Variants in PIAS2 observed in about 807,000 individuals in gnomAD.
PIAS2 encodes E3 SUMO-protein ligase PIAS2.
A neutral mutation model predicts 69.7 loss-of-function variants in PIAS2; 19 were observed. The ratio of observed to expected loss-of-function variants is 0.27; its 90% confidence interval spans 0.19 to 0.40. The LOEUF (loss-of-function observed/expected upper bound fraction) is 0.40. Among genes scored for constraint, PIAS2 ranks in the 10% least tolerant of loss-of-function variants. PIAS2 has a pLI of 1.00. For missense variants in PIAS2, 624 were observed against 757.0 expected (o/e 0.82, Z 2.06); for synonymous variants, 261 against 263.2 (o/e 0.99, Z 0.08).
At chr18:46,907,434 A>G (rs531259672) in intron 1 of PIAS2, 22 of 152,204 alleles carry the variant, frequency 1.4e-4, no homozygotes, top group African/African-American at 4.6e-4. Context: ...GAACTCTACT[A>G]TATCACTAGC....
chr18:46,883,612 G>A (rs1240233816), intron 2 of PIAS2, among the ~76,000 whole-genome samples: 2 of 151,996 alleles, frequency 1.3e-5, no homozygotes, highest in African/African-American at 2.4e-5. Context: ...GCTGAGGCAG[G>A]CAGCTCTCTT....
In PIAS2 at chr18:46,917,472, C is replaced by A; in HGVS notation, c.-127G>T. The A allele has an allele frequency of 1.7e-6, 2 of 1,211,212 alleles. No homozygotes were observed. The highest frequency in any genetic ancestry group is 2.1e-6 in the Non-Finnish European group (2 of 970,552). 75.0% of individuals were successfully genotyped at this position (1,211,212 alleles called of 1,614,324 possible). ...CCTGCACTGGGCGCCGCTTAAGACG[C>A]CGCGGCCGCCGCCGCTACAGCCGGG... On this transcript the variant is annotated 5_prime_UTR_variant, in exon 1 of 14. Coordinates refer to ENST00000585916, the MANE Select transcript of PIAS2 (RefSeq NM_004671.5).
At chr18:46,904,498 C>T (rs1053658286) in intron 1 of PIAS2, among the ~76,000 whole-genome samples, 13 of 152,044 alleles carry the variant, frequency 8.6e-5, no homozygotes, top group Non-Finnish European at 1.2e-4. Flanking sequence ...GGCCTGTAAT[C>T]CCAGCACTTT....
At position 46,807,384 on chromosome 18, in the gene PIAS2, T is replaced by TA. The variant is rs1491456025; in HGVS notation, c.*5048_*5049insT. The TA allele has an allele frequency of 3.9e-3, 72 of 18,500 alleles. No homozygotes were observed. The highest frequency in any genetic ancestry group is 0.045 in the Middle Eastern group (1 of 22). The allele number at this position is 18,500 out of a possible 1,614,324, so 1.1% of individuals were successfully genotyped here. ...ATATATATATATATATATATATATA[T>TA]TTTTTTTTTTTTTTTTTTTTTTTTT... On this transcript the variant is annotated 3_prime_UTR_variant, in exon 14 of 14. Transcript: ENST00000585916.
upstream of PIAS2, among the ~76,000 whole-genome samples, chr18:46,919,568 G>A (rs899304418): frequency 1.3e-5 from 2 of 152,058 alleles, no homozygotes; most frequent in African/African-American, 2.4e-5. Flanking sequence ...AAAATTGCTT[G>A]AACCCAGGAG....
rs2040818542 is a variant in PIAS2, at chr18:46,808,493, G to A, written c.*3940C>T. 6.6e-6 allele frequency: 1 copy of A among 152,146 alleles called. No individual in the cohort carries two copies. Among genetic ancestry groups the A allele is most frequent in the Non-Finnish European group, 1.5e-5 (1 of 68,042 alleles). 9.4% of individuals were successfully genotyped at this position (152,146 alleles called of 1,614,324 possible). ...GGTGTTACAAACCAGTCACTAGGCA[G>A]GAACATTAGACTCCAAAAGCAGAGA... On this transcript the variant is annotated 3_prime_UTR_variant, in exon 14 of 14. Transcript: ENST00000585916.
intron 5 of PIAS2, among the ~76,000 whole-genome samples, chr18:46,848,318 T>C (rs541407874): frequency 8.5e-5 from 13 of 152,240 alleles, no homozygotes; most frequent in Non-Finnish European, 1.6e-4. Flanking sequence ...CCAGGATTCA[T>C]GCTTCTTTCT....
rs2040964948 is a variant in PIAS2 at position 46,811,021 on chromosome 18, T to C, written c.*1412A>G. ...AAACTAAAAAACTGGATGAAAATGT[T>C]TCTCTAAGAGTAAAACCCAGTTTTC... is the stretch of plus-strand genomic sequence containing the variant. On this transcript the variant is annotated 3_prime_UTR_variant, in exon 14 of 14. Coordinates refer to ENST00000585916, the MANE Select transcript of PIAS2 (RefSeq NM_004671.5). 6.6e-6 allele frequency: 1 copy of C among 152,168 alleles called. No homozygotes were observed. Among genetic ancestry groups the C allele is most frequent in the Non-Finnish European group, 1.5e-5 (1 of 68,032 alleles). The allele number at this position is 152,168 out of a possible 1,614,324, so 9.4% of individuals were successfully genotyped here. A position where few individuals can be genotyped will look rare whatever the true frequency, so the allele number is the denominator to read the frequency against.
chr18:46,806,626 G>A lies in PIAS2; in HGVS notation c.*5807C>T, dbSNP rs967820982. ...CTGCCTTGGCTTCCCAAAGTGCTGG[G>A]ATTACAGGCATGAGCCACCATGCCC... On this transcript the variant is annotated 3_prime_UTR_variant, in exon 14 of 14. Coordinates refer to ENST00000585916, the MANE Select transcript of PIAS2 (RefSeq NM_004671.5). The A allele has an allele frequency of 2.0e-5, 3 of 152,026 alleles. No individual in the cohort carries two copies. The highest frequency in any genetic ancestry group is 4.4e-5 in the Non-Finnish European group (3 of 68,008). The allele number at this position is 152,026 out of a possible 1,614,324, so 9.4% of individuals were successfully genotyped here.
At chr18:46,871,362 A>G (rs1259578316) in intron 2 of PIAS2, among the ~76,000 whole-genome samples, 1 of 152,208 alleles carries the variant, frequency 6.6e-6, no homozygotes, top group Non-Finnish European at 1.5e-5. Flanking sequence ...CAGGGGGCCA[A>G]AGCTTACAAA....
chr18:46,903,332 G>C (rs956055688), intron 1 of PIAS2, among the ~76,000 whole-genome samples: 7 of 151,792 alleles, frequency 4.6e-5, no homozygotes, highest in Non-Finnish European at 8.8e-5. Context: ...CTACTATCTA[G>C]GATATACTTA....
intron 8 of PIAS2, 128 bp from the exon 9 acceptor site, chr18:46,836,645 C>G (rs72907148): frequency 1.6e-6 from 1 of 635,994 alleles, no homozygotes; most frequent in Non-Finnish European, 2.7e-6. Context: ...AAATCCAAAT[C>G]AGAATGTATT....
intron 1 of PIAS2, among the ~76,000 whole-genome samples, chr18:46,910,385 C>T (rs980447872): frequency 6.6e-6 from 1 of 151,990 alleles, no homozygotes; most frequent in Non-Finnish European, 1.5e-5. Context: ...TACGCCTTAC[C>T]TGTTATAATC....
chr18:46,918,093 G>A (rs1026337858), upstream of PIAS2: 1 of 152,058 alleles, frequency 6.6e-6, no homozygotes, highest in African/African-American at 2.4e-5. Flanking sequence ...GCGGGGAGAA[G>A]TGAAATAAGA....
At chr18:46,902,632 T>C (rs745951356) in intron 1 of PIAS2, among the ~76,000 whole-genome samples, 16 of 152,134 alleles carry the variant, frequency 1.1e-4, no homozygotes, top group Non-Finnish European at 1.8e-4. Flanking sequence ...ATAGTAAAGA[T>C]GTCAACTTTC....
chr18:46,834,373 G>A (rs2044126429), intron 9 of PIAS2, among the ~76,000 whole-genome samples: 1 of 152,144 alleles, frequency 6.6e-6, no homozygotes, highest in African/African-American at 2.4e-5. Context: ...CATGTGGACA[G>A]AGAAATTAAT....
intron 11 of PIAS2, among the ~76,000 whole-genome samples, chr18:46,824,362 T>C (rs567193296): frequency 6.6e-6 from 1 of 152,200 alleles, no homozygotes; most frequent in South Asian, 2.1e-4. Flanking sequence ...TCTGGAGACA[T>C]ATAGATTTAT....
chr18:46,811,252 A>G lies in PIAS2; in HGVS notation c.*1181T>C, dbSNP rs776125865. On this transcript the variant is annotated 3_prime_UTR_variant, in exon 14 of 14. Transcript: ENST00000585916. Reference sequence around the variant, plus strand: ...CGTTTGTAGTTTCAGGTAAGATATCATTTTAAAAAAATGAAAAAAAAAAAA... The same window carrying G: ...CGTTTGTAGTTTCAGGTAAGATATCGTTTTAAAAAAATGAAAAAAAAAAAA... 32 of 151,274 alleles carry G rather than the reference A, an allele frequency of 2.1e-4. No individual in the cohort carries two copies. The highest frequency in any genetic ancestry group is 4.4e-4 in the Non-Finnish European group (30 of 67,896). The allele number at this position is 151,274 out of a possible 1,614,324, so 9.4% of individuals were successfully genotyped here.
chr18:46,860,755 T>A (rs562735188), intron 3 of PIAS2, among the ~76,000 whole-genome samples: 1 of 152,048 alleles, frequency 6.6e-6, no homozygotes, highest in Non-Finnish European at 1.5e-5. Flanking sequence ...GGAGGGAAGA[T>A]CACTTGAGCA....
Sources: allele counts gnomAD v4.1 joint callset (sites outside exome capture counted in the v4.1 genomes callset), GRCh38; gene constraint gnomAD v4.1.1; transcripts MANE v1.5; gene names NCBI Gene and HGNC (gene_info 2026-07-23, HGNC 2026-07-21).